CUL1: variants seen among roughly 807,000 people sequenced by gnomAD.
The protein encoded by CUL1 is cullin-1.
CUL1 carries 24 observed loss-of-function variants against 118.0 expected under a neutral mutation model. The ratio of observed to expected loss-of-function variants is 0.20; its 90% CI spans 0.15 to 0.29. The LOEUF is 0.29. Among genes scored for constraint, CUL1 ranks in the 10% least tolerant of loss-of-function variants. CUL1 has a pLI of 1.00. For synonymous variants in CUL1, 332 were observed against 340.4 expected, an observed-to-expected ratio of 0.98 and a Z score of 0.27; for missense variants, 361 against 933.8, an observed-to-expected ratio of 0.39 and a Z score of 7.99.
intron 13 of CUL1, among the ~76,000 whole-genome samples, chr7:148,788,015 C>A (rs1430458930): frequency 6.6e-6 from 1 of 152,238 alleles, no homozygotes. Flanking sequence ...AGGGTGCCAG[C>A]TGATTCGGTT....
chr7:148,770,226 AT>A (rs1349812132), intron 9 of CUL1, among the ~76,000 whole-genome samples: 2 of 152,248 alleles, frequency 1.3e-5, no homozygotes, highest in Non-Finnish European at 2.9e-5. Context: ...CAGCAGTTAC[AT>A]TTTACGAGAA....
chr7:148,704,156 G>GT (rs1797808668), intron 1 of CUL1, among the ~76,000 whole-genome samples: 3 of 136,032 alleles, frequency 2.2e-5, no homozygotes, highest in South Asian at 5.5e-4. Flanking sequence ...AACAAAAGCG[G>GT]CCCCCCCCCA....
chr7:148,799,466 C>T, intron 21 of CUL1, 78 bp downstream of exon 21: 6 of 972,876 alleles, frequency 6.2e-6, no homozygotes, highest in Non-Finnish European at 9.6e-6. Flanking sequence ...GGATTGATTG[C>T]TGTAGCATGA....
chr7:148,736,974 C>T (rs1489246651), intron 2 of CUL1, among the ~76,000 whole-genome samples: 2 of 152,228 alleles, frequency 1.3e-5, no homozygotes, highest in African/African-American at 4.8e-5. Context: ...AAAAATTGCT[C>T]TTCTTTGCCT....
chr7:148,766,211 T>C (rs931633251), intron 7 of CUL1, among the ~76,000 whole-genome samples: 3 of 152,250 alleles, frequency 2.0e-5, no homozygotes, highest in African/African-American at 7.2e-5. Flanking sequence ...GCTTACTATG[T>C]CCTTTAACTC....
Position 148,790,452 on chromosome 7 carries a change from A to AT in CUL1, c.1806+16dup. 1 of 1,604,782 alleles carries AT rather than the reference A, an allele frequency of 6.2e-7. No individual in the cohort carries two copies. Among genetic ancestry groups the AT allele is most frequent in the Non-Finnish European group, 8.5e-7 (1 of 1,174,994 alleles). Reference sequence around the variant, plus strand: ...AGATATACTTTGCAGGTAAGATCACATTTTTATCTTAAAATTTTTCTATTC... The same window carrying AT: ...AGATATACTTTGCAGGTAAGATCACATTTTTTATCTTAAAATTTTTCTATTC... On this transcript the variant is annotated intron_variant, in intron 16 of 21. Transcript: ENST00000325222.
intron 7 of CUL1, 89 bp downstream of exon 7, chr7:148,760,585 C>A: frequency 1.1e-6 from 1 of 936,310 alleles, no homozygotes; most frequent in Non-Finnish European, 1.6e-6. Context: ...GCTTTCTTTA[C>A]AAGTCATTTG....
chr7:148,710,020 G>C (rs1798001296), intron 1 of CUL1, among the ~76,000 whole-genome samples: 1 of 152,104 alleles, frequency 6.6e-6, no homozygotes, highest in African/African-American at 2.4e-5. Context: ...GAGGGAGGGA[G>C]ATGTTGCAGT....
chr7:148,768,684 C>T (rs1800096015), intron 9 of CUL1, among the ~76,000 whole-genome samples: 1 of 151,900 alleles, frequency 6.6e-6, no homozygotes, highest in African/African-American at 2.4e-5. Flanking sequence ...CACGTGCGGC[C>T]GAGAAGAAAA....
At chr7:148,776,706 A>T (rs1354762562) in intron 9 of CUL1, among the ~76,000 whole-genome samples, 1 of 152,116 alleles carries the variant, frequency 6.6e-6, no homozygotes, top group Non-Finnish European at 1.5e-5. Flanking sequence ...TCCACTATGG[A>T]TGCACGTCCC....
intron 3 of CUL1, among the ~76,000 whole-genome samples, chr7:148,756,324 T>C (rs1330745048): frequency 6.6e-6 from 1 of 152,080 alleles, no homozygotes; most frequent in Non-Finnish European, 1.5e-5. Context: ...AAGTAGGACA[T>C]GTTGATTTCT....
Position 148,789,824 on chromosome 7 carries a change from G to T in CUL1, c.1672G>T (p.Glu558Ter). 6.2e-7 allele frequency: 1 copy of T among 1,614,092 alleles called. No homozygotes were observed. Among genetic ancestry groups the T allele is most frequent in the Non-Finnish European group, 8.5e-7 (1 of 1,179,936 alleles). ...GTCTTGTACATTTGCCTTGCCGTCA[G>T]AGGTAAGGATGGGTTTGTCTGCCAT... ...QQSCTFALPS[E>*]LERSYQRFTA... Residue 558 changes from glutamate (E) to a stop codon, truncating the protein, a stop_gained and splice_region_variant, in exon 15 of 22, where the codon GAG becomes TAG. Transcript: ENST00000325222. LOFTEE classifies it high-confidence loss of function.
Position 148,778,096 on chromosome 7 carries a change from AAG to A in CUL1, c.1084-5685_1084-5684del, listed in dbSNP as rs1157674133. Among the ~76,000 whole-genome samples, 39 of 59,304 alleles carry A rather than the reference AAG, an allele frequency of 6.6e-4. 4 individuals are homozygous for A. Among genetic ancestry groups the A allele is most frequent in the African/African-American group, 1.4e-3 (18 of 12,746 alleles). The allele number at this position is 59,304 out of a possible 152,430, so 38.9% of individuals were successfully genotyped here. ...AAAAAAAAAAAAAAAAAAAAAAAAA[AAG>A]AAGAAGAAGAAGAATGAGGAAAGAG... On this transcript the variant is annotated intron_variant, in intron 9 of 21. Coordinates refer to ENST00000325222, the MANE Select transcript of CUL1 (RefSeq NM_003592.3).
In CUL1 at chr7:148,767,942, C is replaced by T. The variant is rs148974881; in HGVS notation, c.1083+193C>T. 4.7e-4 allele frequency among the ~76,000 whole-genome samples: 71 copies of T among 152,288 alleles called. No individual in the cohort carries two copies. The East Asian group carries it at 0.012, about 25-fold the overall frequency. On this transcript the variant is annotated intron_variant, in intron 9 of 21. Coordinates refer to ENST00000325222, the MANE Select transcript of CUL1 (RefSeq NM_003592.3). ...TAGTAAATACCTCCGTAAGTTTTTC[C>T]CTCGCACTTTTTAGGCGTTAATAAT...
intron 9 of CUL1, among the ~76,000 whole-genome samples, chr7:148,783,179 T>TC (rs1382245954): frequency 1.1e-4 from 16 of 152,330 alleles, no homozygotes; most frequent in African/African-American, 3.8e-4. Flanking sequence ...CGGCCAGCCT[T>TC]CCCGTTGCAT....
intron 6 of CUL1, 106 bp downstream of exon 6, chr7:148,759,744 A>G: frequency 3.8e-6 from 2 of 520,890 alleles, no homozygotes; most frequent in Non-Finnish European, 6.6e-6. Flanking sequence ...TATAAAGGAT[A>G]TTGTTAGCAT....
intron 2 of CUL1, among the ~76,000 whole-genome samples, chr7:148,730,889 G>T (rs78239409): frequency 0.032 from 4,878 of 152,130 alleles, 274 homozygotes; most frequent in African/African-American, 0.11. Flanking sequence ...ACAGCTCACC[G>T]CAGCCTCAAC....
intron 2 of CUL1, among the ~76,000 whole-genome samples, chr7:148,735,385 T>A (rs1798906031): frequency 6.6e-6 from 1 of 152,206 alleles, no homozygotes; most frequent in Non-Finnish European, 1.5e-5. Flanking sequence ...CCACCACTCT[T>A]TTCAGGTCCA....
chr7:148,727,020 T>C (rs948071092), intron 1 of CUL1, among the ~76,000 whole-genome samples: 3 of 151,872 alleles, frequency 2.0e-5, no homozygotes, highest in Non-Finnish European at 4.4e-5. Flanking sequence ...TAAAAATAAA[T>C]AAATAAATAA....
Sources: allele counts gnomAD v4.1 joint callset (sites outside exome capture counted in the v4.1 genomes callset), GRCh38; gene constraint gnomAD v4.1.1; transcripts MANE v1.5; gene names NCBI Gene and HGNC (gene_info 2026-07-23, HGNC 2026-07-21).